Variants in MROH2A observed in about 807,000 individuals in gnomAD.
The protein encoded by MROH2A is maestro heat-like repeat-containing protein family member 2A.
MROH2A carries 174 observed loss-of-function variants against 200.4 expected under a neutral mutation model. That is an observed-to-expected ratio of 0.87 (90% CI 0.77 to 0.98). MROH2A has a LOEUF of 0.98. Ranked by LOEUF, MROH2A falls within the 50% of genes least tolerant of loss-of-function variation. MROH2A has a pLI of 0.00. For missense variants in MROH2A, 2,045 were observed against 2,139.6 expected (o/e 0.96, Z 0.87); for synonymous variants, 829 against 840.4 (o/e 0.99, Z 0.23).
intron 15 of MROH2A, 167 bp downstream of exon 15, chr2:233,802,482 C>G: frequency 1.4e-6 from 1 of 728,592 alleles, no homozygotes. Context: ...TAATGCCTAC[C>G]TGATCATATC....
At position 233,804,481 on chromosome 2, in the gene MROH2A, A is replaced by T. The variant is rs548591127; in HGVS notation, c.1892-14A>T. On this transcript the variant is annotated splice_polypyrimidine_tract_variant and intron_variant, in intron 17 of 41. Coordinates refer to ENST00000389758, the MANE Select transcript of MROH2A (RefSeq NM_001394639.1). ...AAGAAAGTGGCATGTGTGACCATACATGTGTTCCTGCAGAACATACTGAGT... is the reference window on the plus strand; with the variant it reads ...AAGAAAGTGGCATGTGTGACCATACTTGTGTTCCTGCAGAACATACTGAGT... The T allele has an allele frequency of 1.9e-6, 3 of 1,551,092 alleles. No individual in the cohort carries two copies. The Middle Eastern group carries it at 5.0e-4, about 259-fold the overall frequency.
Position 233,805,010 on chromosome 2 carries a change from C to G in MROH2A, c.1951C>G (p.Arg651Gly), listed in dbSNP as rs912695212. 6.5e-7 allele frequency: 1 copy of G among 1,547,888 alleles called. No homozygotes were observed. The highest frequency in any genetic ancestry group is 8.7e-7 in the Non-Finnish European group (1 of 1,145,198). Residue 651 changes from arginine to glycine, a missense_variant, in exon 19 of 42, where the codon CGA becomes GGA. By Grantham distance (125) the Arg-to-Gly change is moderately radical. Transcript: ENST00000389758. ...ACGTCTTGTGCCTCCCCAGTTTCTG[C>G]GAAACTCCCTCAAGAAGACCCGGGG... Reference protein sequence around the residue: ...AWEDKLIQFLRNSLKKTRGSS... With the variant: ...AWEDKLIQFLGNSLKKTRGSS...
rs925014037 is a variant in MROH2A at position 233,809,206 on chromosome 2, C to T, written c.2376C>T (p.Pro792=). The change falls in exon 22 of 42, where the codon CCC becomes CCT. Residue 792 remains proline, a synonymous_variant. Transcript: ENST00000389758. ...MYSCVASYCH[P]QLLLNLVDSP... ...GCTGCGTGGCCTCCTACTGCCACCCCCAGTTGCTCCTCAACCTCGTGGACA... is the reference window on the plus strand; with the variant it reads ...GCTGCGTGGCCTCCTACTGCCACCCTCAGTTGCTCCTCAACCTCGTGGACA... 6 of 1,550,436 alleles carry T rather than the reference C, an allele frequency of 3.9e-6. No homozygotes were observed. Among genetic ancestry groups the T allele is most frequent in the Non-Finnish European group, 5.2e-6 (6 of 1,146,992 alleles).
At position 233,828,818 on chromosome 2, in the gene MROH2A, A is replaced by G; in HGVS notation, c.4263+39A>G. 1.9e-6 allele frequency: 3 copies of G among 1,548,868 alleles called. No homozygotes were observed. The highest frequency in any genetic ancestry group is 2.6e-6 in the Non-Finnish European group (3 of 1,145,926). On this transcript the variant is annotated intron_variant, in intron 36 of 41. Coordinates refer to ENST00000389758, the MANE Select transcript of MROH2A (RefSeq NM_001394639.1). The surrounding 1 kb of genome is among the most constrained non-coding windows in gnomAD (Gnocchi z 4.6). ...CCCTGGGCCCAGGTCCCGGGAGCTG[A>G]GGGTGCAGGCCGGGTGCCCTGGTCA...
At chr2:233,804,240 A>G (rs752587566) in intron 17 of MROH2A, 48 bp downstream of exon 17, 17 of 1,546,354 alleles carry the variant, frequency 1.1e-5, no homozygotes, top group Admixed American at 9.8e-5. Flanking sequence ...CAATCCGTGT[A>G]TGTGCTGGGG....
intron 26 of MROH2A, among the ~76,000 whole-genome samples, chr2:233,815,793 A>G (rs1575987977): frequency 1.8e-5 from 1 of 57,090 alleles, no homozygotes; most frequent in Middle Eastern, 0.016. Flanking sequence ...TTACTGTTAT[A>G]TTATAATAAG....
At position 233,789,884 on chromosome 2, in the gene MROH2A, C is replaced by A; in HGVS notation, c.441C>A (p.Ser147Arg). 6.5e-7 allele frequency: 1 copy of A among 1,550,160 alleles called. No homozygotes were observed. Reference protein sequence around the residue: ...MEGYMKAEVASDTLVALSRNH... With the variant: ...MEGYMKAEVARDTLVALSRNH... ...GCTATATGAAGGCAGAGGTGGCCAG[C>A]GACACACTGGTGGCTCTGTCCCGAA... Residue 147 changes from serine (S) to arginine (R), a missense_variant, in exon 5 of 42, where the codon AGC (serine) becomes AGA (arginine). Around this residue, in one of 3 missense-constraint regions of MROH2A, gnomAD observed 831 missense variants for 800.0 expected, o/e 1.04. Coordinates refer to ENST00000389758, the MANE Select transcript of MROH2A (RefSeq NM_001394639.1).
chr2:233,798,349 G>A (rs994347146), intron 11 of MROH2A, among the ~76,000 whole-genome samples: 20 of 152,158 alleles, frequency 1.3e-4, no homozygotes, highest in African/African-American at 3.6e-4. Flanking sequence ...TTCACTTTAC[G>A]TCCCACAGCT....
intron 16 of MROH2A, 82 bp from the exon 17 acceptor site, chr2:233,803,969 C>A: frequency 2.0e-6 from 3 of 1,494,828 alleles, no homozygotes; most frequent in South Asian, 2.5e-5. Flanking sequence ...CAGCTCCTCC[C>A]TTTAAAAATG....
chr2:233,795,625 C>A (rs1176356326), intron 8 of MROH2A, 28 bp from the exon 9 acceptor site: 37 of 1,550,662 alleles, frequency 2.4e-5, no homozygotes, highest in Non-Finnish European at 2.9e-5. Flanking sequence ...TAGAAGGTCA[C>A]CTGCCACCAT....
At chr2:233,804,437 A>G in intron 17 of MROH2A, 58 bp from the exon 18 acceptor site, 7 of 1,535,410 alleles carry the variant, frequency 4.6e-6, no homozygotes, top group Non-Finnish European at 6.2e-6. Flanking sequence ...CTTGAATACC[A>G]GGCTTAGGGG....
chr2:233,798,661 C>T (rs1305956026), intron 11 of MROH2A, 113 bp from the exon 12 acceptor site: 16 of 745,610 alleles, frequency 2.1e-5, no homozygotes, highest in African/African-American at 6.9e-5. Flanking sequence ...AGAAAGTGCC[C>T]CTGAGCTTGG....
intron 8 of MROH2A, among the ~76,000 whole-genome samples, chr2:233,794,709 T>A (rs1701996491): frequency 6.6e-6 from 1 of 152,066 alleles, no homozygotes; most frequent in Non-Finnish European, 1.5e-5. Context: ...CCCTTCCGGG[T>A]GGAAGGGACC....
At chr2:233,789,212 T>A (rs568634447) in intron 3 of MROH2A, among the ~76,000 whole-genome samples, 1 of 152,128 alleles carries the variant, frequency 6.6e-6, no homozygotes, top group Admixed American at 6.5e-5. Context: ...CAATGCCCCA[T>A]GCATAGAGAA....
chr2:233,807,786 G>C lies in MROH2A; in HGVS notation c.2226G>C (p.Leu742=). The change falls in exon 21 of 42, where the codon CTG becomes CTC. Residue 742 remains leucine, a synonymous_variant. Coordinates refer to ENST00000389758, the MANE Select transcript of MROH2A (RefSeq NM_001394639.1). This position sits in a 1 kb window ranked among gnomAD's most constrained non-coding sequence, Gnocchi z 4.3. ...CCCGGGGCCAGGTAAAAACGGTGCT[G>C]AATGTGCTTCATGACTTCGAGGAGA... ...LCARGQVKTV[L]NVLHDFEERI... is the part of the protein sequence containing the mutation. 1.9e-6 allele frequency: 3 copies of C among 1,550,862 alleles called. No homozygotes were observed. The highest frequency in any genetic ancestry group is 2.4e-5 in the South Asian group (2 of 84,062).
intron 35 of MROH2A, among the ~76,000 whole-genome samples, chr2:233,824,263 T>C (rs1362348043): frequency 6.6e-6 from 1 of 152,252 alleles, no homozygotes; most frequent in Non-Finnish European, 1.5e-5. Flanking sequence ...GAATTTAAAC[T>C]TCATGGAATT....
intron 14 of MROH2A, among the ~76,000 whole-genome samples, chr2:233,800,637 G>C (rs1023146676): frequency 1.3e-5 from 2 of 151,330 alleles, no homozygotes; most frequent in South Asian, 4.2e-4. Context: ...GTGTATGTGT[G>C]TGTGTGTGTG....
At chr2:233,830,367 G>A (rs544411315) in intron 38 of MROH2A, among the ~76,000 whole-genome samples, 7 of 152,310 alleles carry the variant, frequency 4.6e-5, no homozygotes, top group South Asian at 4.1e-4. Flanking sequence ...TCTCTCCCTA[G>A]TCTCTGCTTA....
At chr2:233,783,129 T>C (rs1701026065) in intron 3 of MROH2A, among the ~76,000 whole-genome samples, 1 of 152,224 alleles carries the variant, frequency 6.6e-6, no homozygotes, top group Non-Finnish European at 1.5e-5. Flanking sequence ...AATATTTTGT[T>C]GTGGATTTCT....
Sources: gnomAD v4.1 joint callset for allele counts (sites outside exome capture counted in the v4.1 genomes callset) on GRCh38, gnomAD v4.1.1 for gene constraint, gnomAD v4.1.1 regional missense constraint, Gnocchi (gnomAD v3.1) non-coding constraint, MANE v1.5 for transcripts, NCBI Gene and HGNC (gene_info 2026-07-23, HGNC 2026-07-21) for gene names.